The following CTDP1 variants were observed in gnomAD, a reference collection of about 807,000 sequenced individuals.
CTDP1 encodes the protein CTD phosphatase 1.
CTDP1 carries 47 observed loss-of-function variants against 91.8 expected under a neutral mutation model. The ratio of observed to expected loss-of-function variants is 0.51; its 90% CI spans 0.41 to 0.65. CTDP1 has a LOEUF of 0.65. CTDP1 is among the 30% of genes least tolerant of loss of function. CTDP1 has a pLI of 0.00. For synonymous variants in CTDP1, 656 were observed against 598.5 expected, an observed-to-expected ratio of 1.10 and a Z score of -1.40; for missense variants, 1,272 against 1,373.7, an observed-to-expected ratio of 0.93 and a Z score of 1.17.
At chr18:79,747,221 G>A (rs1022550334) in intron 12 of CTDP1, among the ~76,000 whole-genome samples, 7 of 152,218 alleles carry the variant, frequency 4.6e-5, no homozygotes, top group African/African-American at 1.4e-4. Flanking sequence ...GCTCTCGGAG[G>A]GGAGGGTCAG....
intron 10 of CTDP1, among the ~76,000 whole-genome samples, chr18:79,720,887 G>T (rs1464897307): frequency 6.6e-6 from 1 of 152,154 alleles, no homozygotes; most frequent in Non-Finnish European, 1.5e-5. Flanking sequence ...AGTGTTGGGG[G>T]TCCCCACACA....
Position 79,684,226 on chromosome 18 carries a change from C to G in CTDP1, c.314+3965C>G, listed in dbSNP as rs190119505. 1.3e-4 allele frequency among the ~76,000 whole-genome samples: 20 copies of G among 152,292 alleles called. 1 individual carries two copies. In the Middle Eastern group the frequency reaches 0.017, roughly 129 times the overall value. On this transcript the variant is annotated intron_variant, in intron 1 of 12. Coordinates refer to ENST00000613122, the MANE Select transcript of CTDP1 (RefSeq NM_004715.5). Reference sequence around the variant, plus strand: ...GTGGATGTTGCTTGTACATGTGCAGCCAGCATGCTCACAGTGCCGAGGAGC... The same window carrying G: ...GTGGATGTTGCTTGTACATGTGCAGGCAGCATGCTCACAGTGCCGAGGAGC...
chr18:79,693,549 C>A (rs892600828), intron 1 of CTDP1, among the ~76,000 whole-genome samples: 12 of 152,154 alleles, frequency 7.9e-5, no homozygotes, highest in African/African-American at 2.9e-4. Context: ...TGCACGTATA[C>A]ATGACGAGAT....
At chr18:79,701,809 C>T (rs1296265516) in intron 4 of CTDP1, among the ~76,000 whole-genome samples, 4 of 152,124 alleles carry the variant, frequency 2.6e-5, no homozygotes, top group Non-Finnish European at 5.9e-5. Context: ...TGGATGACTT[C>T]CAGGGCTTCG....
rs143987995 is a variant in CTDP1, at chr18:79,754,333, G to A, written c.*543G>A. The A allele has an allele frequency of 0.011, 1,712 of 160,762 alleles. 20 individuals carry two copies. Among genetic ancestry groups the A allele is most frequent in the Non-Finnish European group, 0.015 (1,074 of 72,466 alleles). The allele number at this position is 160,762 out of a possible 1,614,324, so 10.0% of individuals were successfully genotyped here. A position where few individuals can be genotyped will look rare whatever the true frequency, so the allele number is the denominator to read the frequency against. The stretch of plus-strand genomic sequence containing the variant: ...GCCTCCTACGCAGGGTCCACGCCAC[G>A]TGGCCTGGGCTGCCATCCTGCCGTC... On this transcript the variant is annotated 3_prime_UTR_variant, in exon 13 of 13. Transcript: ENST00000613122.
intron 10 of CTDP1, among the ~76,000 whole-genome samples, chr18:79,725,421 A>G (rs2086426434): frequency 6.6e-6 from 1 of 152,056 alleles, no homozygotes; most frequent in South Asian, 2.1e-4. Context: ...TTAAAATTTC[A>G]TATTCATTTT....
At chr18:79,679,760 G>T (rs1477102889), upstream of CTDP1, 2 of 547,010 alleles carry the variant, frequency 3.7e-6, no homozygotes, top group African/African-American at 3.9e-5. Flanking sequence ...GCGCACGTAC[G>T]CACGTACGCG....
At chr18:79,723,988 C>T (rs187953985) in intron 10 of CTDP1, among the ~76,000 whole-genome samples, 151 of 152,342 alleles carry the variant, frequency 9.9e-4, no homozygotes, top group Non-Finnish European at 1.6e-4. Flanking sequence ...GTGGTTTCAC[C>T]GTTCACCCTT....
Position 79,728,998 on chromosome 18 carries a change from C to T in CTDP1, c.2509C>T (p.Gln837Ter). 3 of 1,614,212 alleles carry T rather than the reference C, an allele frequency of 1.9e-6. No homozygotes were observed. Among genetic ancestry groups the T allele is most frequent in the Non-Finnish European group, 1.7e-6 (2 of 1,180,044 alleles). The change falls in exon 11 of 13, where the codon CAG (glutamine) becomes TAG (stop). Residue 837 changes from glutamine (Q) to a stop codon, truncating the protein, a stop_gained. Coordinates refer to ENST00000613122, the MANE Select transcript of CTDP1 (RefSeq NM_004715.5). LOFTEE classifies it high-confidence loss of function. ...EQPGPSRRKR[Q>*]PSMSETMPLY... ...GCCTGGCCCTTCTAGAAGAAAGCGA[C>T]AGCCCAGTATGTCTGAGACAATGCC...
chr18:79,703,843 A>G (rs1230059588), intron 4 of CTDP1, among the ~76,000 whole-genome samples: 1 of 152,074 alleles, frequency 6.6e-6, no homozygotes, highest in African/African-American at 2.4e-5. Context: ...TGTAGTTATC[A>G]TAGGTGGTGA....
intron 12 of CTDP1, among the ~76,000 whole-genome samples, chr18:79,737,535 G>A (rs1007923550): frequency 1.3e-5 from 2 of 152,046 alleles, no homozygotes; most frequent in South Asian, 2.1e-4. Flanking sequence ...TGCTGCTGTC[G>A]AATGGTGGGG....
chr18:79,734,628 C>T (rs185010463), intron 11 of CTDP1, among the ~76,000 whole-genome samples: 307 of 152,236 alleles, frequency 2.0e-3, no homozygotes, highest in Middle Eastern at 6.8e-3. Flanking sequence ...CCGTGCTGGC[C>T]GGCCCGCCTG....
In CTDP1 at chr18:79,736,352, C is replaced by T. The variant is rs1270087798; in HGVS notation, c.2581-3C>T. Reference sequence around the variant, plus strand: ...CTGTCGCTGACTCTTGGCTGTTTGTCAGGTGGACGACATCCTTGGAGAAGG... The same window carrying T: ...CTGTCGCTGACTCTTGGCTGTTTGTTAGGTGGACGACATCCTTGGAGAAGG... On this transcript the variant is annotated splice_polypyrimidine_tract_variant and splice_region_variant and intron_variant, in intron 11 of 12. Transcript: ENST00000613122. 1 of 1,549,110 alleles carries T rather than the reference C, an allele frequency of 6.5e-7. No individual in the cohort carries two copies. The highest frequency in any genetic ancestry group is 8.7e-7 in the Non-Finnish European group (1 of 1,146,972).
At position 79,715,410 on chromosome 18, in the gene CTDP1, G is replaced by A. The variant is rs752298646; in HGVS notation, c.1950G>A (p.Pro650=). ...IFSGLHPTNF[P]IEKTREHYHA... ...GTGGGCTACACCCGACAAACTTCCC[G>A]ATAGAGAAGACGCGGGAGCATTACC... The change falls in exon 8 of 13, where the codon CCG becomes CCA. Residue 650 remains proline (P), a synonymous_variant. Coordinates refer to ENST00000613122, the MANE Select transcript of CTDP1 (RefSeq NM_004715.5). 26 of 1,602,382 alleles carry A rather than the reference G, an allele frequency of 1.6e-5. No homozygotes were observed. Among genetic ancestry groups the A allele is most frequent in the African/African-American group, 9.4e-5 (7 of 74,784 alleles).
Position 79,754,158 on chromosome 18 carries a change from A to G in CTDP1, c.*368A>G. On this transcript the variant is annotated 3_prime_UTR_variant, in exon 13 of 13. Coordinates refer to ENST00000613122, the MANE Select transcript of CTDP1 (RefSeq NM_004715.5). ...GACGGCTTTGGGGGTCCCACGAGAC[A>G]TGGACTAGGAGTTTAAGCAGGACAG... 2.8e-6 allele frequency: 1 copy of G among 354,926 alleles called. No homozygotes were observed. The highest frequency in any genetic ancestry group is 5.5e-6 in the Non-Finnish European group (1 of 182,468). 22.0% of individuals were successfully genotyped at this position (354,926 alleles called of 1,614,324 possible). A position where few individuals can be genotyped will look rare whatever the true frequency, so the allele number is the denominator to read the frequency against.
At chr18:79,680,460 T>C (rs1038723836) in intron 1 of CTDP1, among the ~76,000 whole-genome samples, 199 bp downstream of exon 1, 3 of 152,226 alleles carry the variant, frequency 2.0e-5, no homozygotes, top group African/African-American at 7.2e-5. Context: ...CATTTTGAGA[T>C]AAAAGGAAAG....
intron 5 of CTDP1, among the ~76,000 whole-genome samples, chr18:79,706,022 C>T (rs1239955807): frequency 6.6e-6 from 1 of 152,166 alleles, no homozygotes; most frequent in East Asian, 1.9e-4. Flanking sequence ...GGTTTTACAG[C>T]CCCCAAGTCC....
In CTDP1 at chr18:79,735,356, CAG is replaced by C. The variant is rs747126013; in HGVS notation, c.2581-998_2581-997del. 4.9e-3 allele frequency among the ~76,000 whole-genome samples: 741 copies of C among 152,366 alleles called. 4 individuals carry two copies. The highest frequency in any genetic ancestry group is 8.7e-3 in the Non-Finnish European group (594 of 68,036). ...GCCGCCCCGCCTCACCTGCCTGTCT[CAG>C]GGACCACGGGGCTGTGCCGTCGCAC... On this transcript the variant is annotated intron_variant, in intron 11 of 12. Transcript: ENST00000613122.
At chr18:79,736,284 C>T (rs577679566) in intron 11 of CTDP1, 71 bp from the exon 12 acceptor site, 14 of 1,542,836 alleles carry the variant, frequency 9.1e-6, no homozygotes, top group East Asian at 7.3e-5. Context: ...TGGACTCTGC[C>T]GGGAGAAGCC....
Sources: allele counts gnomAD v4.1 joint callset (sites outside exome capture counted in the v4.1 genomes callset), GRCh38; gene constraint gnomAD v4.1.1; transcripts MANE v1.5; gene names NCBI Gene and HGNC (gene_info 2026-07-23, HGNC 2026-07-21).